PRDM4: variants seen among roughly 807,000 people sequenced by gnomAD.
The protein encoded by PRDM4 is PR/SET domain 4.
Under a neutral mutation model 62.3 loss-of-function variants are expected in PRDM4, and 38 were observed. That is an observed-to-expected ratio of 0.61 (90% CI 0.47 to 0.80). The LOEUF (loss-of-function observed/expected upper bound fraction) is 0.80. Among genes scored for constraint, PRDM4 ranks in the 30% least tolerant of loss-of-function variants. PRDM4 has a pLI of 0.00. For synonymous variants in PRDM4, 339 were observed against 348.2 expected, an observed-to-expected ratio of 0.97 and a Z score of 0.30; for missense variants, 858 against 997.1, an observed-to-expected ratio of 0.86 and a Z score of 1.88.
chr12:107,760,574 G>A lies in PRDM4; in HGVS notation c.-59C>T. ...TCGGGTGGTGGGGAACAGGCATCAG[G>A]GTTTGCGTTCCAGGGTCACGTGCTA... On this transcript the variant is annotated 5_prime_UTR_variant, in exon 2 of 12. Transcript: ENST00000228437. 1 of 1,604,758 alleles carries A rather than the reference G, an allele frequency of 6.2e-7. No individual in the cohort carries two copies. Among genetic ancestry groups the A allele is most frequent in the Non-Finnish European group, 8.5e-7 (1 of 1,174,778 alleles).
chr12:107,757,060 A>G (rs1286145238), intron 2 of PRDM4, 95 bp from the exon 3 acceptor site: 5 of 1,326,226 alleles, frequency 3.8e-6, no homozygotes, highest in African/African-American at 1.4e-5. Flanking sequence ...GGATGGGGAA[A>G]TGGGACTTGG....
chr12:107,747,510 A>G (rs1014994271), intron 5 of PRDM4, among the ~76,000 whole-genome samples: 2 of 152,162 alleles, frequency 1.3e-5, no homozygotes, highest in Non-Finnish European at 2.9e-5. Flanking sequence ...TCTTGCAGAC[A>G]TTATTTGCTT....
At chr12:107,755,922 T>A (rs554540110) in intron 3 of PRDM4, among the ~76,000 whole-genome samples, 1 of 152,226 alleles carries the variant, frequency 6.6e-6, no homozygotes, top group South Asian at 2.1e-4. Context: ...CCGTTTCTAC[T>A]AAAAATACAA....
Position 107,756,784 on chromosome 12 carries a change from A to G in PRDM4, c.145+48T>C, listed in dbSNP as rs567890415. ...CTCTTCTAGACTCCATTTAGAATTGATAACAGAGTTAAGTGTTGAAATGCA... is the reference window on the plus strand; with the variant it reads ...CTCTTCTAGACTCCATTTAGAATTGGTAACAGAGTTAAGTGTTGAAATGCA... On this transcript the variant is annotated intron_variant, in intron 3 of 11. Transcript: ENST00000228437. 6 of 1,606,070 alleles carry G rather than the reference A, an allele frequency of 3.7e-6. No homozygotes were observed. In the African/African-American group the frequency reaches 6.7e-5, roughly 18 times the overall value.
intron 6 of PRDM4, among the ~76,000 whole-genome samples, chr12:107,744,869 G>A (rs897695678): frequency 2.6e-5 from 4 of 152,208 alleles, no homozygotes; most frequent in African/African-American, 7.2e-5. Flanking sequence ...AGATCAGCTT[G>A]GCCAACAGGG....
In PRDM4 at chr12:107,752,255, T is replaced by C. The variant is rs781413029; in HGVS notation, c.332-46A>G. 1.4e-5 allele frequency: 20 copies of C among 1,403,840 alleles called. 1 individual carries two copies. In the East Asian group the frequency reaches 3.9e-4, roughly 27 times the overall value. 87.0% of individuals were successfully genotyped at this position (1,403,840 alleles called of 1,614,324 possible). ...GATATCAGAGACTTTTAGTACATTA[T>C]TAAAGAATTCCAAGCACTAGACGCT... is the stretch of plus-strand genomic sequence containing the variant. On this transcript the variant is annotated intron_variant, in intron 4 of 11. Transcript: ENST00000228437.
At chr12:107,742,185 C>T in intron 9 of PRDM4, 36 bp downstream of exon 9, 1 of 1,583,706 alleles carries the variant, frequency 6.3e-7, no homozygotes, top group Non-Finnish European at 8.6e-7. Flanking sequence ...GGTATTTTTA[C>T]TAAGCCAGAT....
intron 4 of PRDM4, 42 bp from the exon 5 acceptor site, chr12:107,752,251 A>G (rs1374024446): frequency 5.7e-6 from 8 of 1,415,190 alleles, no homozygotes; most frequent in East Asian, 2.3e-5. Flanking sequence ...CTTTTAGTAC[A>G]TTATTAAAGA....
chr12:107,754,512 A>G (rs868796654), intron 3 of PRDM4, among the ~76,000 whole-genome samples: 2 of 152,172 alleles, frequency 1.3e-5, no homozygotes, highest in Middle Eastern at 3.4e-3. Flanking sequence ...CCTCCTGAGT[A>G]GCTGGGATTA....
At position 107,751,451 on chromosome 12, in the gene PRDM4, A is replaced by T; in HGVS notation, c.1090T>A (p.Ser364Thr). 1 of 1,611,662 alleles carries T rather than the reference A, an allele frequency of 6.2e-7. No homozygotes were observed. Among genetic ancestry groups the T allele is most frequent in the Non-Finnish European group, 8.5e-7 (1 of 1,177,844 alleles). Residue 364 changes from serine (S) to threonine (T), a missense_variant, in exon 5 of 12, where the codon TCA becomes ACA. Physicochemically the swap from Ser to Thr is moderately conservative, Grantham distance 58. Coordinates refer to ENST00000228437, the MANE Select transcript of PRDM4 (RefSeq NM_012406.4). ...AAGGTTGCCATGTTCTCCTTGTTTG[A>T]ATTGGAGTCTTCCATTTGCAGTGAA... ...SPSLQMEDSN[S>T]NKENMATLFT...
intron 4 of PRDM4, among the ~76,000 whole-genome samples, 174 bp downstream of exon 4, chr12:107,753,750 T>A (rs953638798): frequency 6.6e-6 from 1 of 152,204 alleles, no homozygotes; most frequent in African/African-American, 2.4e-5. Context: ...ATGTGTTATG[T>A]GCCACATTCT....
intron 11 of PRDM4, among the ~76,000 whole-genome samples, chr12:107,735,375 G>C (rs557987053): frequency 3.7e-4 from 57 of 152,240 alleles, no homozygotes; most frequent in African/African-American, 1.2e-3. Flanking sequence ...ACTCAAATTT[G>C]AAAATGTCTG....
chr12:107,756,986 C>T, intron 2 of PRDM4, 21 bp from the exon 3 acceptor site: 1 of 1,612,198 alleles, frequency 6.2e-7, no homozygotes, highest in Non-Finnish European at 8.5e-7. Flanking sequence ...GCACACACAA[C>T]TAGTTATGCA....
At chr12:107,754,883 T>TA (rs1891014136) in intron 3 of PRDM4, 1 of 152,228 alleles carries the variant, frequency 6.6e-6, no homozygotes, top group South Asian at 2.1e-4. Flanking sequence ...GTAGTTTAGT[T>TA]AGATGTAAAA....
In PRDM4 at chr12:107,734,284, A is replaced by T. The variant is rs1399591139; in HGVS notation, c.2332T>A (p.Ser778Thr). ...DDSEEEDLAD[S>T]VGTEDCRINS... Reference sequence around the variant, plus strand: ...ATCCTACAGTCTTCTGTCCCCACAGAGTCTGCTAGATCTTCCTCTTCTGAG... The same window carrying T: ...ATCCTACAGTCTTCTGTCCCCACAGTGTCTGCTAGATCTTCCTCTTCTGAG... The change falls in exon 12 of 12, where the codon TCT becomes ACT. Residue 778 changes from serine (S) to threonine (T), a missense_variant. Ser to Thr is a moderately conservative substitution (Grantham distance 58). Transcript: ENST00000228437. The T allele has an allele frequency of 5.0e-6, 8 of 1,613,964 alleles. No homozygotes were observed. Among genetic ancestry groups the T allele is most frequent in the Non-Finnish European group, 6.8e-6 (8 of 1,179,956 alleles).
In PRDM4 at chr12:107,753,583, A is replaced by T. The variant is rs543713101; in HGVS notation, c.331+341T>A. 7.9e-5 allele frequency among the ~76,000 whole-genome samples: 12 copies of T among 152,278 alleles called. No individual in the cohort carries two copies. In the South Asian group the frequency reaches 2.5e-3, roughly 32 times the overall value. Reference sequence around the variant, plus strand: ...ACTCCTATAACAGAATAAAAATTCAATGAACTTAAAAAACATGACACTATA... The same window carrying T: ...ACTCCTATAACAGAATAAAAATTCATTGAACTTAAAAAACATGACACTATA... On this transcript the variant is annotated intron_variant, in intron 4 of 11. Transcript: ENST00000228437.
At chr12:107,741,447 G>C (rs964355494) in intron 9 of PRDM4, among the ~76,000 whole-genome samples, 187 bp from the exon 10 acceptor site, 1 of 152,088 alleles carries the variant, frequency 6.6e-6, no homozygotes, top group African/African-American at 2.4e-5. Flanking sequence ...CAGTGGCTCA[G>C]GCCTGCAATC....
Position 107,751,768 on chromosome 12 carries a change from T to C in PRDM4, c.773A>G (p.His258Arg), listed in dbSNP as rs1416731356. 2 of 1,614,194 alleles carry C rather than the reference T, an allele frequency of 1.2e-6. No individual in the cohort carries two copies. Among genetic ancestry groups the C allele is most frequent in the Admixed American group, 1.7e-5 (1 of 60,030 alleles). ...CACAGGGAGCTCCAGGCCATTCCCA[T>C]GCATGGGTATCACACCACCATGTCC... The part of the protein sequence containing the change: ...AVGHGGVIPM[H>R]GNGLELPVVM... Residue 258 changes from histidine to arginine, a missense_variant, in exon 5 of 12, where the codon CAT (histidine) becomes CGT (arginine). Coordinates refer to ENST00000228437, the MANE Select transcript of PRDM4 (RefSeq NM_012406.4).
rs752251637 is a variant in PRDM4, at chr12:107,751,702, A to G, written c.839T>C (p.Met280Thr). The G allele has an allele frequency of 5.6e-6, 9 of 1,614,070 alleles. No homozygotes were observed. In the African/African-American group the frequency reaches 1.2e-4, roughly 22 times the overall value. The change falls in exon 5 of 12, where the codon ATG becomes ACG. Residue 280 changes from methionine to threonine, a missense_variant. Met to Thr is a moderately conservative substitution (Grantham distance 81). Around this residue, in one of 3 missense-constraint regions of PRDM4, gnomAD observed 499 missense variants for 546.7 expected, o/e 0.91. Transcript: ENST00000228437. ...GGAGTCACTGAGGGCACTGTCAGAC[A>G]TGCCATTGACCCGACTTGCAATGTG... ...TDHIASRVNG[M>T]SDSALSDSIH...
Sources: gnomAD v4.1 joint callset for allele counts (sites outside exome capture counted in the v4.1 genomes callset) on GRCh38, gnomAD v4.1.1 for gene constraint, gnomAD v4.1.1 regional missense constraint, MANE v1.5 for transcripts, NCBI Gene and HGNC (gene_info 2026-07-23, HGNC 2026-07-21) for gene names.